The following DERA variants were observed in gnomAD, a reference collection of about 807,000 sequenced individuals.
DERA encodes deoxyribose-phosphate aldolase.
Under a neutral mutation model 41.1 loss-of-function variants are expected in DERA, and 15 were observed. The ratio of observed to expected loss-of-function variants is 0.37; its 90% CI spans 0.24 to 0.56. DERA has a LOEUF of 0.56. Ranked by LOEUF, DERA falls within the 20% of genes least tolerant of loss-of-function variation. The pLI is 0.81. For missense variants in DERA, 396 were observed against 403.4 expected, an observed-to-expected ratio of 0.98 and a Z score of 0.16; for synonymous variants, 139 against 137.4, an observed-to-expected ratio of 1.01 and a Z score of -0.08.
intron 1 of DERA, among the ~76,000 whole-genome samples, chr12:15,956,367 A>T (rs1184412434): frequency 6.6e-6 from 1 of 152,214 alleles, no homozygotes; most frequent in Non-Finnish European, 1.5e-5. Flanking sequence ...CTTTTTTTCT[A>T]ACTTCTGTTA....
Position 15,957,109 on chromosome 12 carries a change from A to G in DERA, c.129+76A>G. On this transcript the variant is annotated intron_variant, in intron 2 of 8. Coordinates refer to ENST00000428559, the MANE Select transcript of DERA (RefSeq NM_015954.4). This position sits in a 1 kb window ranked among gnomAD's most constrained non-coding sequence, Gnocchi z 4.8. Reference sequence around the variant, plus strand: ...TCTTCCCTCAAGGCCACAATATTGAATTTCACTCAAGATGCATCTAAACTT... The same window carrying G: ...TCTTCCCTCAAGGCCACAATATTGAGTTTCACTCAAGATGCATCTAAACTT... 1 of 1,124,844 alleles carries G rather than the reference A, an allele frequency of 8.9e-7. No homozygotes were observed. Among genetic ancestry groups the G allele is most frequent in the Non-Finnish European group, 1.3e-6 (1 of 749,058 alleles). 69.7% of individuals were successfully genotyped at this position (1,124,844 alleles called of 1,614,324 possible).
chr12:15,926,778 G>C (rs1351938758), intron 1 of DERA, among the ~76,000 whole-genome samples: 1 of 149,990 alleles, frequency 6.7e-6, no homozygotes, highest in Non-Finnish European at 1.5e-5. Context: ...AGAGAATCCA[G>C]GTTACCAGAA....
intron 1 of DERA, among the ~76,000 whole-genome samples, chr12:15,930,739 G>A (rs906930197): frequency 1.3e-5 from 2 of 152,044 alleles, no homozygotes; most frequent in Admixed American, 6.5e-5. Context: ...ACAAACTTCA[G>A]GAAATGAAGT....
In DERA at chr12:15,918,336, G is replaced by A. The variant is rs758534200; in HGVS notation, c.31+6922G>A. Among the ~76,000 whole-genome samples the A allele has an allele frequency of 6.6e-6, 1 of 152,216 alleles. No homozygotes were observed. The highest frequency in any genetic ancestry group is 3.4e-3 in the Middle Eastern group (1 of 292). ...TGGATACCCTCCTTACCCTGCTTGC[G>A]CTTCCACTCCCTATGTCTTGCTCCC... On this transcript the variant is annotated intron_variant, in intron 1 of 8. Transcript: ENST00000428559. The surrounding 1 kb of genome is among the most constrained non-coding windows in gnomAD (Gnocchi z 4.3).
At chr12:15,946,427 G>A (rs1333405202) in intron 1 of DERA, among the ~76,000 whole-genome samples, 3 of 152,126 alleles carry the variant, frequency 2.0e-5, no homozygotes, top group South Asian at 2.1e-4. Context: ...GTCTATTCAG[G>A]GATTCAACTT....
At chr12:15,956,719 T>C in intron 1 of DERA, 1 of 612,978 alleles carries the variant, frequency 1.6e-6, no homozygotes, top group Admixed American at 2.1e-5. Context: ...TTTTTGCCTT[T>C]GAAAGTAATG....
rs1444885266 is a variant in DERA, at chr12:15,936,972, T to C, written c.32-19964T>C. ...CGTCCTGTCCTGCCCTGCCCTGCCCTGTCTTGTCTTTCTTTTTTGAGATAG... is the reference window on the plus strand; with the variant it reads ...CGTCCTGTCCTGCCCTGCCCTGCCCCGTCTTGTCTTTCTTTTTTGAGATAG... On this transcript the variant is annotated intron_variant, in intron 1 of 8. Coordinates refer to ENST00000428559, the MANE Select transcript of DERA (RefSeq NM_015954.4). This position sits in a 1 kb window ranked among gnomAD's most constrained non-coding sequence, Gnocchi z 4.6. 6.6e-6 allele frequency among the ~76,000 whole-genome samples: 1 copy of C among 150,446 alleles called. No individual in the cohort carries two copies. The highest frequency in any genetic ancestry group is 1.5e-5 in the Non-Finnish European group (1 of 67,994).
In DERA at chr12:15,943,974, C is replaced by T. The variant is rs1425109343; in HGVS notation, c.32-12962C>T. Among the ~76,000 whole-genome samples the T allele has an allele frequency of 6.8e-6, 1 of 147,622 alleles. No individual in the cohort carries two copies. Among genetic ancestry groups the T allele is most frequent in the African/African-American group, 2.5e-5 (1 of 40,018 alleles). On this transcript the variant is annotated intron_variant, in intron 1 of 8. Transcript: ENST00000428559. This position sits in a 1 kb window ranked among gnomAD's most constrained non-coding sequence, Gnocchi z 4.5. ...ATTCCCACCTATGAGTGAGAACATG[C>T]GGTGTTTGGTTTTTTGTCCTTGTGA...
rs1948162923 is a variant in DERA, at chr12:15,911,463, C to T, written c.31+49C>T. ...ATCCCCTCTCCCTCGCGTTCAGCGC[C>T]GCCGGGACTAGCGCGGGGCCTGCTG... On this transcript the variant is annotated intron_variant, in intron 1 of 8. Transcript: ENST00000428559. This position sits in a 1 kb window ranked among gnomAD's most constrained non-coding sequence, Gnocchi z 4.5. The T allele has an allele frequency of 9.3e-6, 13 of 1,404,126 alleles. No homozygotes were observed. The highest frequency in any genetic ancestry group is 1.2e-5 in the Non-Finnish European group (13 of 1,081,766). The allele number at this position is 1,404,126 out of a possible 1,614,324, so 87.0% of individuals were successfully genotyped here. A position where few individuals can be genotyped will look rare whatever the true frequency, so the allele number is the denominator to read the frequency against.
chr12:16,002,722 T>C (rs1948883934), intron 6 of DERA, among the ~76,000 whole-genome samples: 1 of 152,210 alleles, frequency 6.6e-6, no homozygotes, highest in Non-Finnish European at 1.5e-5. Context: ...CACCTAGGAC[T>C]CTTTACCTCT....
chr12:15,961,700 C>G (rs1418934068), intron 4 of DERA, among the ~76,000 whole-genome samples: 2 of 152,152 alleles, frequency 1.3e-5, no homozygotes, highest in African/African-American at 2.4e-5. Flanking sequence ...CTTTAAACAA[C>G]AGAGAAACAT....
chr12:15,929,576 GCTT>G (rs1438950179), intron 1 of DERA, among the ~76,000 whole-genome samples: 3 of 152,092 alleles, frequency 2.0e-5, no homozygotes, highest in Non-Finnish European at 2.9e-5. Flanking sequence ...TACATTCCAA[GCTT>G]CTTCTGTGTG....
At chr12:15,979,653 A>G (rs1475799047) in intron 5 of DERA, among the ~76,000 whole-genome samples, 1 of 152,248 alleles carries the variant, frequency 6.6e-6, no homozygotes, top group African/African-American at 2.4e-5. Context: ...GTGGTAAAAT[A>G]GGCCAGTAAA....
At chr12:15,980,948 T>G (rs1186026264) in intron 5 of DERA, among the ~76,000 whole-genome samples, 1 of 152,224 alleles carries the variant, frequency 6.6e-6, no homozygotes, top group Non-Finnish European at 1.5e-5. Context: ...TGTACTTTAC[T>G]AAGCCTGTGA....
At chr12:15,934,538 G>A (rs932832868) in intron 1 of DERA, among the ~76,000 whole-genome samples, 4 of 151,796 alleles carry the variant, frequency 2.6e-5, no homozygotes, top group Non-Finnish European at 5.9e-5. Flanking sequence ...GCAGTGAGCC[G>A]AGATCGTGCC....
rs1948887534 is a variant in DERA at position 16,003,201 on chromosome 12, T to C, written c.637+20765T>C. ...TAGAAGCCTCACCCTGGTCTCTGCCTTTGTGATGATATGGTGTTCTTCATG... is the reference window on the plus strand; with the variant it reads ...TAGAAGCCTCACCCTGGTCTCTGCCCTTGTGATGATATGGTGTTCTTCATG... On this transcript the variant is annotated intron_variant, in intron 6 of 8. Coordinates refer to ENST00000428559, the MANE Select transcript of DERA (RefSeq NM_015954.4). This position sits in a 1 kb window ranked among gnomAD's most constrained non-coding sequence, Gnocchi z 4.8. Among the ~76,000 whole-genome samples the C allele has an allele frequency of 6.6e-6, 1 of 152,228 alleles. No homozygotes were observed. Among genetic ancestry groups the C allele is most frequent in the South Asian group, 2.1e-4 (1 of 4,836 alleles).
intron 5 of DERA, 88 bp downstream of exon 5, chr12:15,963,035 C>A: frequency 6.7e-7 from 1 of 1,491,736 alleles, no homozygotes; most frequent in South Asian, 1.4e-5. Flanking sequence ...TTTTAGAGGT[C>A]ACTGTTCTAG....
rs1421848115 is a variant in DERA at position 15,985,755 on chromosome 12, T to C, written c.637+3319T>C. Among the ~76,000 whole-genome samples, 2 of 152,190 alleles carry C rather than the reference T, an allele frequency of 1.3e-5. No homozygotes were observed. The highest frequency in any genetic ancestry group is 2.9e-5 in the Non-Finnish European group (2 of 68,016). The stretch of plus-strand genomic sequence containing the variant: ...GAGAGTATCCATTGTAAGAATCTTT[T>C]GTCTTTTGGAATTAACAGTTATTTT... On this transcript the variant is annotated intron_variant, in intron 6 of 8. Transcript: ENST00000428559. This position sits in a 1 kb window ranked among gnomAD's most constrained non-coding sequence, Gnocchi z 4.2.
At position 15,967,099 on chromosome 12, in the gene DERA, C is replaced by T. The variant is rs1299536245; in HGVS notation, c.508+4152C>T. Among the ~76,000 whole-genome samples, 2 of 151,984 alleles carry T rather than the reference C, an allele frequency of 1.3e-5. No homozygotes were observed. Among genetic ancestry groups the T allele is most frequent in the Non-Finnish European group, 2.9e-5 (2 of 68,012 alleles). ...GCACAGTGGCTTATGCCTGTAATCC[C>T]AGCACTCTGGGAGGCTGAGGCAGGC... is the stretch of plus-strand genomic sequence containing the variant. On this transcript the variant is annotated intron_variant, in intron 5 of 8. Transcript: ENST00000428559. This position sits in a 1 kb window ranked among gnomAD's most constrained non-coding sequence, Gnocchi z 4.9.
Sources: gnomAD v4.1 joint callset for allele counts (sites outside exome capture counted in the v4.1 genomes callset) on GRCh38, gnomAD v4.1.1 for gene constraint, Gnocchi (gnomAD v3.1) non-coding constraint, MANE v1.5 for transcripts, NCBI Gene and HGNC (gene_info 2026-07-23, HGNC 2026-07-21) for gene names.